CYFIP2: variants seen among roughly 807,000 people sequenced by gnomAD.
The protein encoded by CYFIP2 is cytoplasmic FMR1-interacting protein 2.
In CYFIP2, 29 loss-of-function variants were observed where a neutral mutation model predicts 158.7. That is an observed-to-expected ratio of 0.18 (90% CI 0.14 to 0.25). The LOEUF (loss-of-function observed/expected upper bound fraction) is 0.25, where lower values mean the gene tolerates loss of function less well. Ranked by LOEUF, CYFIP2 falls within the 10% of genes least tolerant of loss-of-function variation. The pLI is 1.00. For missense variants in CYFIP2, 852 were observed against 1,639.5 expected, an observed-to-expected ratio of 0.52 and a Z score of 8.29; for synonymous variants, 585 against 617.6, an observed-to-expected ratio of 0.95 and a Z score of 0.78.
intron 30 of CYFIP2, among the ~76,000 whole-genome samples, chr5:157,392,358 T>G (rs1343967287): frequency 6.6e-6 from 1 of 152,206 alleles, no homozygotes; most frequent in African/African-American, 2.4e-5. Flanking sequence ...TTCAGTTTAA[T>G]CTCATGGTTA....
chr5:157,383,628 T>A, intron 28 of CYFIP2: 1 of 307,044 alleles, frequency 3.3e-6, no homozygotes, highest in Non-Finnish European at 6.1e-6. Flanking sequence ...ACTGTGTCCC[T>A]GGTAGATATC....
chr5:157,269,280 T>C (rs1755879588), intron 1 of CYFIP2: 1 of 151,608 alleles, frequency 6.6e-6, no homozygotes, highest in Non-Finnish European at 1.5e-5. Flanking sequence ...CCTGAGTAGG[T>C]AGGGAGAAGT....
chr5:157,353,403 C>T (rs112571536), intron 23 of CYFIP2, among the ~76,000 whole-genome samples: 93 of 152,296 alleles, frequency 6.1e-4, no homozygotes, highest in African/African-American at 2.0e-3. Flanking sequence ...GAGAAAGGAG[C>T]GTCATTTCTT....
At chr5:157,284,088 G>GT (rs1381388864) in intron 1 of CYFIP2, among the ~76,000 whole-genome samples, 2 of 152,084 alleles carry the variant, frequency 1.3e-5, no homozygotes, top group African/African-American at 4.8e-5. Context: ...AGCTTTTAGT[G>GT]TTTTTGTTCA....
intron 22 of CYFIP2, among the ~76,000 whole-genome samples, chr5:157,339,712 C>A (rs901450371): frequency 1.3e-5 from 2 of 152,214 alleles, no homozygotes; most frequent in Admixed American, 1.3e-4. Context: ...TCCAAAAAGT[C>A]ATGCAAACCT....
At chr5:157,354,406 A>G (rs1763275321) in intron 23 of CYFIP2, among the ~76,000 whole-genome samples, 1 of 151,950 alleles carries the variant, frequency 6.6e-6, no homozygotes, top group Admixed American at 6.6e-5. Context: ...TTCTTTGCCA[A>G]CCCTCAGAAA....
chr5:157,364,415 C>T (rs1161872078), intron 26 of CYFIP2: 2 of 152,322 alleles, frequency 1.3e-5, no homozygotes, highest in South Asian at 2.1e-4. Context: ...CAACAGGACA[C>T]TCAATGACCT....
intron 1 of CYFIP2, among the ~76,000 whole-genome samples, chr5:157,273,137 A>G (rs1756246890): frequency 6.6e-6 from 1 of 152,146 alleles, no homozygotes; most frequent in South Asian, 2.1e-4. Context: ...AAGTGCTGGG[A>G]TTACAGGCAC....
intron 26 of CYFIP2, among the ~76,000 whole-genome samples, chr5:157,372,589 C>G (rs553290321): frequency 4.5e-4 from 69 of 152,154 alleles, no homozygotes; most frequent in African/African-American, 1.4e-4. Flanking sequence ...TTCCAGCTAC[C>G]CTGCTAGTTG....
chr5:157,389,953 T>C (rs1258222947), intron 29 of CYFIP2, among the ~76,000 whole-genome samples: 3 of 152,052 alleles, frequency 2.0e-5, no homozygotes, highest in Non-Finnish European at 4.4e-5. Context: ...AAAGGATGAC[T>C]CTACTGCCAT....
chr5:157,381,306 A>G (rs533677545), intron 26 of CYFIP2, among the ~76,000 whole-genome samples: 1 of 152,108 alleles, frequency 6.6e-6, no homozygotes, highest in South Asian at 2.1e-4. Context: ...AACAATACAT[A>G]TCATTATTGT....
chr5:157,340,751 A>G (rs1196717057), intron 22 of CYFIP2, among the ~76,000 whole-genome samples: 1 of 152,090 alleles, frequency 6.6e-6, no homozygotes, highest in African/African-American at 2.4e-5. Flanking sequence ...CTCTTGAGAA[A>G]CCAAACTGGA....
intron 3 of CYFIP2, among the ~76,000 whole-genome samples, chr5:157,291,438 C>G (rs562899538): frequency 1.3e-5 from 2 of 152,230 alleles, no homozygotes; most frequent in African/African-American, 2.4e-5. Flanking sequence ...GTCCGTAGGG[C>G]AGAGTTCACA....
intron 17 of CYFIP2, chr5:157,325,946 A>G: frequency 1.8e-6 from 1 of 556,196 alleles, no homozygotes; most frequent in African/African-American, 1.9e-5. Flanking sequence ...TTAGTCCCAA[A>G]TGAATTTTTA....
intron 28 of CYFIP2, 181 bp downstream of exon 28, chr5:157,383,540 C>CTG: frequency 1.8e-6 from 1 of 567,970 alleles, no homozygotes; most frequent in South Asian, 2.2e-5. Flanking sequence ...TTTGCTGACT[C>CTG]TCAGGCCTGA....
chr5:157,300,723 C>A lies in CYFIP2; in HGVS notation c.396C>A (p.Ala132=). ...TGCCCCTCTGCCCCCAGCGCAAGGC[C>A]ATCGAGCGGTTCTGCAGCGAGGTGA... ...LMKFMYFQRK[A]IERFCSEVKR... is the part of the protein sequence containing the mutation. Residue 132 remains alanine (A), a synonymous_variant, in exon 6 of 31, where the codon GCC becomes GCA. Transcript: ENST00000620254. The A allele has an allele frequency of 6.3e-7, 1 of 1,596,930 alleles. No homozygotes were observed. The highest frequency in any genetic ancestry group is 8.5e-7 in the Non-Finnish European group (1 of 1,170,580).
chr5:157,386,802 C>T (rs1192621518), intron 28 of CYFIP2, among the ~76,000 whole-genome samples: 1 of 152,110 alleles, frequency 6.6e-6, no homozygotes, highest in Non-Finnish European at 1.5e-5. Flanking sequence ...CGCCTGTGAT[C>T]CCAGATACTC....
chr5:157,298,264 T>C (rs527419377), intron 5 of CYFIP2, among the ~76,000 whole-genome samples: 15 of 152,218 alleles, frequency 9.9e-5, no homozygotes, highest in Non-Finnish European at 2.1e-4. Context: ...TTTGCCCATT[T>C]AAAGTGGATA....
Position 157,302,895 on chromosome 5 carries a change from G to A in CYFIP2, c.666+5G>A. ...AACCACAACAGGATCACCCAGGTGA[G>A]GGCAGACTCCTTGTTAGGCCTGGCC... On this transcript the variant is annotated splice_donor_5th_base_variant and intron_variant, in intron 7 of 30. Coordinates refer to ENST00000620254, the MANE Select transcript of CYFIP2 (RefSeq NM_001037333.3). 6.4e-7 allele frequency: 1 copy of A among 1,568,036 alleles called. No homozygotes were observed. The highest frequency in any genetic ancestry group is 8.7e-7 in the Non-Finnish European group (1 of 1,155,904).
Sources: allele counts gnomAD v4.1 joint callset (sites outside exome capture counted in the v4.1 genomes callset), GRCh38; gene constraint gnomAD v4.1.1; transcripts MANE v1.5; gene names NCBI Gene and HGNC (gene_info 2026-07-23, HGNC 2026-07-21).